The following ANKRD50 variants were observed in gnomAD, a reference collection of about 807,000 sequenced individuals.
ANKRD50 encodes ankyrin repeat domain-containing protein 50.
Under a neutral mutation model 112.0 loss-of-function variants are expected in ANKRD50, and 40 were observed. The observed-to-expected ratio is 0.36, with a 90% CI of 0.28 to 0.46. The LOEUF (loss-of-function observed/expected upper bound fraction) is 0.46. Ranked by LOEUF, ANKRD50 falls within the 20% of genes least tolerant of loss-of-function variation. ANKRD50 has a pLI of 1.00. For synonymous variants in ANKRD50, 613 were observed against 619.1 expected, an observed-to-expected ratio of 0.99 and a Z score of 0.15; for missense variants, 1,487 against 1,701.7, an observed-to-expected ratio of 0.87 and a Z score of 2.22.
chr4:124,685,032 T>C (rs74706911), intron 2 of ANKRD50, among the ~76,000 whole-genome samples: 9 of 152,194 alleles, frequency 5.9e-5, no homozygotes, highest in Non-Finnish European at 1.2e-4. Context: ...CCACCATATC[T>C]AAAGCAGCCC....
At chr4:124,692,556 C>G (rs566276541) in intron 2 of ANKRD50, among the ~76,000 whole-genome samples, 49 of 152,098 alleles carry the variant, frequency 3.2e-4, no homozygotes, top group Non-Finnish European at 6.0e-4. Flanking sequence ...ATCCTAACCC[C>G]CAATGTGATG....
At chr4:124,697,115 G>A (rs1221247482) in intron 2 of ANKRD50, among the ~76,000 whole-genome samples, 1 of 152,182 alleles carries the variant, frequency 6.6e-6, no homozygotes, top group Admixed American at 6.5e-5. Context: ...GAAGTGAGAA[G>A]TCTAATTTTG....
Position 124,672,252 on chromosome 4 carries a change from A to G in ANKRD50, c.1025T>C (p.Phe342Ser), listed in dbSNP as rs745782592. ...AACCTTTGCAAATTGTTTTCTTACA[A>G]AAAGTCTTTGGCACAGCCAGAGATA... ...GLYLWLCQRL[F>S]VRKQFAKVQP... The change falls in exon 4 of 5, where the codon TTT becomes TCT. Residue 342 changes from phenylalanine (F) to serine (S), a missense_variant. This residue lies in a region of ANKRD50 where 1,046 missense variants were observed against 1,269.5 expected (regional missense o/e 0.82). Transcript: ENST00000504087. The G allele has an allele frequency of 6.2e-7, 1 of 1,613,824 alleles. No homozygotes were observed. Among genetic ancestry groups the G allele is most frequent in the Non-Finnish European group, 8.5e-7 (1 of 1,179,850 alleles).
Position 124,671,602 on chromosome 4 carries a change from C to T in ANKRD50, c.1675G>A (p.Asp559Asn), listed in dbSNP as rs1730655533. ...CTAGAGACAAGTAAATTGACTACATCAAGACTGCCACTATATGCAGCATTA... is the reference window on the plus strand; with the variant it reads ...CTAGAGACAAGTAAATTGACTACATTAAGACTGCCACTATATGCAGCATTA... Reference protein sequence around the residue: ...LANAAYSGSLDVVNLLVSRGA... With the variant: ...LANAAYSGSLNVVNLLVSRGA... The change falls in exon 4 of 5, where the codon GAT becomes AAT. Residue 559 changes from aspartate (D) to asparagine (N), a missense_variant. Asp to Asn is a conservative substitution (Grantham distance 23). Coordinates refer to ENST00000504087, the MANE Select transcript of ANKRD50 (RefSeq NM_020337.3). 1.9e-6 allele frequency: 3 copies of T among 1,613,726 alleles called. No homozygotes were observed. The highest frequency in any genetic ancestry group is 2.5e-6 in the Non-Finnish European group (3 of 1,179,862).
At chr4:124,683,457 T>C (rs1724937914) in intron 2 of ANKRD50, among the ~76,000 whole-genome samples, 1 of 151,508 alleles carries the variant, frequency 6.6e-6, no homozygotes, top group African/African-American at 2.4e-5. Context: ...ATATTACAAT[T>C]CTTCTTTTCT....
Position 124,711,219 on chromosome 4 carries a change from G to C in ANKRD50, c.-708C>G, listed in dbSNP as rs539965274. 1 of 153,904 alleles carries C rather than the reference G, an allele frequency of 6.5e-6. No homozygotes were observed. The highest frequency in any genetic ancestry group is 2.4e-5 in the African/African-American group (1 of 41,634). 9.5% of individuals were successfully genotyped at this position (153,904 alleles called of 1,614,324 possible). Reference sequence around the variant, plus strand: ...AAGACAGCAGATTCTTAATGAACCTGTTCACAGGTTTCTTGGTTTTAAGAC... The same window carrying C: ...AAGACAGCAGATTCTTAATGAACCTCTTCACAGGTTTCTTGGTTTTAAGAC... On this transcript the variant is annotated 5_prime_UTR_variant, in exon 2 of 5. Coordinates refer to ENST00000504087, the MANE Select transcript of ANKRD50 (RefSeq NM_020337.3).
chr4:124,669,274 C>T lies in ANKRD50; in HGVS notation c.4003G>A (p.Ala1335Thr). The change falls in exon 4 of 5, where the codon GCT (alanine) becomes ACT (threonine). Residue 1335 changes from alanine (A) to threonine (T), a missense_variant. This residue lies in a region of ANKRD50 where 441 missense variants were observed against 432.2 expected (regional missense o/e 1.02). Transcript: ENST00000504087. ...TGAGATCGACCAATTTCCTGCTGAG[C>T]TGAAGGTATCATAATTTTGCATTGA... is the stretch of plus-strand genomic sequence containing the variant. ...ESQCKIMIPS[A>T]QQEIGRSQQQ... 1 of 1,613,774 alleles carries T rather than the reference C, an allele frequency of 6.2e-7. No homozygotes were observed. The highest frequency in any genetic ancestry group is 8.5e-7 in the Non-Finnish European group (1 of 1,179,820).
chr4:124,688,360 A>G (rs1348151434), intron 2 of ANKRD50, among the ~76,000 whole-genome samples: 1 of 152,092 alleles, frequency 6.6e-6, no homozygotes, highest in African/African-American at 2.4e-5. Flanking sequence ...CATAGGTTGG[A>G]GTGGGGGAAG....
intron 2 of ANKRD50, among the ~76,000 whole-genome samples, chr4:124,699,070 CTA>C (rs1349228080): frequency 6.6e-6 from 1 of 152,024 alleles, no homozygotes; most frequent in Non-Finnish European, 1.5e-5. Context: ...GTGTGTATAC[CTA>C]TATATCTCCC....
intron 2 of ANKRD50, among the ~76,000 whole-genome samples, chr4:124,701,587 C>A (rs773247798): frequency 1.3e-5 from 2 of 152,052 alleles, no homozygotes; most frequent in African/African-American, 2.4e-5. Context: ...ATAATAGATA[C>A]AGGTTTGAAA....
chr4:124,678,541 C>A, intron 3 of ANKRD50, 135 bp downstream of exon 3: 1 of 750,570 alleles, frequency 1.3e-6, no homozygotes, highest in African/African-American at 1.8e-5. Context: ...ATATAAATTT[C>A]AAAACGCACA....
chr4:124,694,220 T>A (rs553630435), intron 2 of ANKRD50, among the ~76,000 whole-genome samples: 67 of 152,286 alleles, frequency 4.4e-4, no homozygotes, highest in African/African-American at 1.5e-3. Flanking sequence ...AAATTGATAA[T>A]TAAAATTAGT....
intron 2 of ANKRD50, among the ~76,000 whole-genome samples, chr4:124,699,256 T>TC (rs1475555065): frequency 1.9e-4 from 27 of 145,314 alleles, no homozygotes; most frequent in African/African-American, 6.1e-4. Context: ...GCAGATATGA[T>TC]AAAAAAAAAA....
chr4:124,669,694 T>A lies in ANKRD50; in HGVS notation c.3583A>T (p.Thr1195Ser). ...GTTTGAGCCGTTGCTGTAGATGAAGTAGTTCTCAAAGATGAATTTTTTGAG... is the reference window on the plus strand; with the variant it reads ...GTTTGAGCCGTTGCTGTAGATGAAGAAGTTCTCAAAGATGAATTTTTTGAG... ...KSSKNSSLRT[T>S]SSTATAQTVP... Residue 1195 changes from threonine (T) to serine (S), a missense_variant, in exon 4 of 5, where the codon ACT (threonine) becomes TCT (serine). Coordinates refer to ENST00000504087, the MANE Select transcript of ANKRD50 (RefSeq NM_020337.3). 6.2e-7 allele frequency: 1 copy of A among 1,613,084 alleles called. No individual in the cohort carries two copies. The highest frequency in any genetic ancestry group is 8.5e-7 in the Non-Finnish European group (1 of 1,179,712).
chr4:124,696,066 C>T (rs796085397), intron 2 of ANKRD50, among the ~76,000 whole-genome samples: 37 of 151,496 alleles, frequency 2.4e-4, no homozygotes, highest in African/African-American at 7.8e-4. Flanking sequence ...TAGATGCAGA[C>T]GAATAATGCA....
chr4:124,693,640 T>TGTCC (rs904375669), intron 2 of ANKRD50, among the ~76,000 whole-genome samples: 1 of 152,184 alleles, frequency 6.6e-6, no homozygotes, highest in African/African-American at 2.4e-5. Context: ...GGTTTTCAAT[T>TGTCC]GTCCGTATCT....
intron 2 of ANKRD50, among the ~76,000 whole-genome samples, chr4:124,701,507 GACTAT>G (rs1437235631): frequency 1.3e-5 from 2 of 152,140 alleles, no homozygotes; most frequent in East Asian, 1.9e-4. Flanking sequence ...TATCATTAAA[GACTAT>G]ACTTAGCTAA....
intron 2 of ANKRD50, among the ~76,000 whole-genome samples, chr4:124,681,879 G>C (rs1365335721): frequency 6.6e-6 from 1 of 152,012 alleles, no homozygotes; most frequent in Non-Finnish European, 1.5e-5. Context: ...CCATTATTCA[G>C]AAGTGAGTTA....
Position 124,672,478 on chromosome 4 carries a change from G to C in ANKRD50, c.799C>G (p.Gln267Glu), listed in dbSNP as rs200214926. Residue 267 changes from glutamine (Q) to glutamate (E), a missense_variant, in exon 4 of 5, where the codon CAG becomes GAG. Transcript: ENST00000504087. The part of the protein sequence containing the change: ...LRKAYIVKDV[Q>E]QYILHRLDQE... ...TCTAAACGATGAAGAATGTACTGCT[G>C]AACATCCTTGACGATATATGCCTTC... 187 of 1,609,612 alleles carry C rather than the reference G, an allele frequency of 1.2e-4. No individual in the cohort carries two copies. Among genetic ancestry groups the C allele is most frequent in the Non-Finnish European group, 5.1e-6 (6 of 1,178,446 alleles).
Sources: allele counts gnomAD v4.1 joint callset (sites outside exome capture counted in the v4.1 genomes callset), GRCh38; gene constraint gnomAD v4.1.1; regional missense constraint gnomAD v4.1.1; transcripts MANE v1.5; gene names NCBI Gene and HGNC (gene_info 2026-07-23, HGNC 2026-07-21).